TIPIN: variants seen among roughly 807,000 people sequenced by gnomAD.
TIPIN encodes the protein TIMELESS-interacting protein.
TIPIN carries 29 observed loss-of-function variants against 35.6 expected under a neutral mutation model. That is an observed-to-expected ratio of 0.82 (90% confidence interval 0.61 to 1.11). TIPIN has a LOEUF of 1.11. Ranked by LOEUF, TIPIN falls within the 50% of genes most tolerant of loss-of-function variation. The pLI, the probability that TIPIN is intolerant of heterozygous loss-of-function variation, is 0.00. For missense variants in TIPIN, 296 were observed against 345.4 expected (o/e 0.86, Z 1.13); for synonymous variants, 102 against 121.5 (o/e 0.84, Z 1.06).
intron 7 of TIPIN, among the ~76,000 whole-genome samples, chr15:66,339,365 C>T (rs192995481): frequency 1.3e-5 from 2 of 151,630 alleles, no homozygotes; most frequent in Admixed American, 1.3e-4. Flanking sequence ...CCCACCTCAG[C>T]CTCCCAAAGT....
chr15:66,341,298 CAGAA>C lies in TIPIN; in HGVS notation c.530_533del (p.Phe177Ter). 1 of 1,613,904 alleles carries C rather than the reference CAGAA, an allele frequency of 6.2e-7. No individual in the cohort carries two copies. The highest frequency in any genetic ancestry group is 8.5e-7 in the Non-Finnish European group (1 of 1,180,010). ...ACATCTCACTTTCAGATAAGTTTGT[CAGAA>C]AGGGATCTAATTCAGTAGAAGTGAC... is the stretch of plus-strand genomic sequence containing the variant. On this transcript the variant is annotated frameshift_variant, in exon 7 of 8. Transcript: ENST00000261881. LOFTEE classifies it high-confidence loss of function.
chr15:66,360,263 T>G (rs1198424725), upstream of TIPIN, among the ~76,000 whole-genome samples: 1 of 152,056 alleles, frequency 6.6e-6, no homozygotes, highest in Non-Finnish European at 1.5e-5. Flanking sequence ...TTAATACATT[T>G]TATATAACTA....
upstream of TIPIN, among the ~76,000 whole-genome samples, chr15:66,358,950 G>A (rs1361535115): frequency 1.3e-5 from 2 of 151,412 alleles, no homozygotes; most frequent in African/African-American, 2.4e-5. Context: ...AGGCTGAGGC[G>A]AGAGAATCGC....
At chr15:66,356,915 T>G (rs1472771949), upstream of TIPIN, among the ~76,000 whole-genome samples, 1 of 152,098 alleles carries the variant, frequency 6.6e-6, no homozygotes, top group Non-Finnish European at 1.5e-5. Flanking sequence ...ATTCTGGGGT[T>G]TTTCTTTTTT....
upstream of TIPIN, among the ~76,000 whole-genome samples, chr15:66,359,403 T>G (rs2093221824): frequency 6.6e-6 from 1 of 152,086 alleles, no homozygotes; most frequent in Non-Finnish European, 1.5e-5. Context: ...TGGAGTGCAG[T>G]GGTGCAATCT....
In TIPIN at chr15:66,346,780, G is replaced by A. The variant is rs567082360; in HGVS notation, c.475+2280C>T. On this transcript the variant is annotated intron_variant, in intron 6 of 7. Coordinates refer to ENST00000261881, the MANE Select transcript of TIPIN (RefSeq NM_017858.3). ...TATTTTACCAAGAAATTTAAATCAC[G>A]GATTATTTAAATCACATTCCTTTTT... Among the ~76,000 whole-genome samples, 23 of 152,048 alleles carry A rather than the reference G, an allele frequency of 1.5e-4. 2 individuals are homozygous for A. Among genetic ancestry groups the A allele is most frequent in the Admixed American group, 1.2e-3 (18 of 15,256 alleles).
intron 1 of TIPIN, among the ~76,000 whole-genome samples, chr15:66,376,450 G>A (rs866417996): frequency 6.7e-4 from 102 of 151,416 alleles, no homozygotes; most frequent in Middle Eastern, 3.4e-3. Context: ...TTGTTTTTGA[G>A]ACGGGGTTTT....
intron 1 of TIPIN, among the ~76,000 whole-genome samples, chr15:66,384,880 C>G (rs571801457): frequency 1.3e-5 from 2 of 152,088 alleles, no homozygotes; most frequent in South Asian, 4.2e-4. Context: ...CCATTGCACT[C>G]AAGCCTGGGC....
At chr15:66,343,377 A>G (rs368063834) in intron 6 of TIPIN, among the ~76,000 whole-genome samples, 7 of 152,328 alleles carry the variant, frequency 4.6e-5, no homozygotes, top group Admixed American at 2.0e-4. Context: ...ATTTATATAC[A>G]TTATCCTTGT....
chr15:66,382,896 T>C (rs533933698), intron 1 of TIPIN: 5 of 963,190 alleles, frequency 5.2e-6, no homozygotes, highest in Admixed American at 1.2e-4. Context: ...TCAGCACTTA[T>C]GTTAGGCCCT....
chr15:66,384,337 C>G (rs1452716629), intron 1 of TIPIN, among the ~76,000 whole-genome samples: 1 of 151,936 alleles, frequency 6.6e-6, no homozygotes, highest in Non-Finnish European at 1.5e-5. Flanking sequence ...CTCTGTTGCC[C>G]AGGCTGGAGT....
At chr15:66,349,179 A>G in intron 5 of TIPIN, 56 bp from the exon 6 acceptor site, 2 of 1,596,822 alleles carry the variant, frequency 1.3e-6, no homozygotes, top group South Asian at 2.2e-5. Flanking sequence ...TGTTGGGGGG[A>G]GATAATTTGC....
intron 1 of TIPIN, among the ~76,000 whole-genome samples, chr15:66,375,995 G>T (rs1216663592): frequency 6.6e-6 from 1 of 152,024 alleles, no homozygotes; most frequent in Non-Finnish European, 1.5e-5. Context: ...TAGCTATTGG[G>T]GAGGCTAAGG....
intron 1 of TIPIN, among the ~76,000 whole-genome samples, chr15:66,354,391 C>A (rs1366456991): frequency 6.6e-6 from 1 of 152,200 alleles, no homozygotes; most frequent in Admixed American, 6.5e-5. Context: ...ACAGATCCTG[C>A]CCATCTTATT....
At chr15:66,345,625 A>G (rs1161390275) in intron 6 of TIPIN, among the ~76,000 whole-genome samples, 3 of 152,112 alleles carry the variant, frequency 2.0e-5, no homozygotes, top group Non-Finnish European at 2.9e-5. Context: ...GAGGCAGGAG[A>G]ATCACTTGAA....
At chr15:66,349,750 T>C (rs761173863) in intron 4 of TIPIN, among the ~76,000 whole-genome samples, 16 of 151,882 alleles carry the variant, frequency 1.1e-4, no homozygotes, top group Non-Finnish European at 2.2e-4. Context: ...CATGGTGGTG[T>C]ACACCTGTGG....
chr15:66,383,673 T>C lies in TIPIN; in HGVS notation c.-9+2934A>G, dbSNP rs574101649. 4.0e-6 allele frequency: 3 copies of C among 743,302 alleles called. No individual in the cohort carries two copies. The African/African-American group carries it at 5.7e-5, about 14-fold the overall frequency. 46.0% of individuals were successfully genotyped at this position (743,302 alleles called of 1,614,324 possible). On this transcript the variant is annotated intron_variant, in intron 1 of 7. Coordinates refer to the TIPIN transcript ENST00000562124. The stretch of plus-strand genomic sequence containing the variant: ...ACACACACATGCATACATTTACATC[T>C]ATGCCTCTATATTAAAAAGTATGGG...
chr15:66,383,122 A>AT (rs1477768380), intron 1 of TIPIN: 15 of 413,702 alleles, frequency 3.6e-5, no homozygotes, highest in African/African-American at 3.2e-4. Context: ...AGAATGCTGC[A>AT]TTTTACACAG....
intron 1 of TIPIN, among the ~76,000 whole-genome samples, chr15:66,355,882 T>C (rs773189507): frequency 2.6e-5 from 4 of 152,140 alleles, no homozygotes; most frequent in Non-Finnish European, 4.4e-5. Context: ...ACCTAAAATA[T>C]ATTAAGTGTA....
Sources: gnomAD v4.1 joint callset for allele counts (sites outside exome capture counted in the v4.1 genomes callset) on GRCh38, gnomAD v4.1.1 for gene constraint, MANE v1.5 for transcripts, NCBI Gene and HGNC (gene_info 2026-07-23, HGNC 2026-07-21) for gene names.